The following PDE10A variants were observed in gnomAD, a reference collection of about 807,000 sequenced individuals.
The protein encoded by PDE10A is cAMP and cAMP-inhibited cGMP 3',5'-cyclic phosphodiesterase 10A.
Under a neutral mutation model 97.7 loss-of-function variants are expected in PDE10A, and 39 were observed. The observed-to-expected ratio is 0.40, with a 90% CI of 0.31 to 0.52. The LOEUF is 0.52. PDE10A is among the 20% of genes least tolerant of loss of function. The probability of loss-of-function intolerance (pLI) is 0.56; values close to 1 mark genes in which losing one functional copy is unlikely to be tolerated. For missense variants in PDE10A, 731 were observed against 1,047.8 expected (o/e 0.70, Z 4.17); for synonymous variants, 371 against 376.8 (o/e 0.98, Z 0.18).
chr6:165,914,409 G>C (rs1782549145), intron 1 of PDE10A, among the ~76,000 whole-genome samples: 1 of 152,228 alleles, frequency 6.6e-6, no homozygotes, highest in Non-Finnish European at 1.5e-5. Context: ...GGGTTCGCCT[G>C]TGATGACATC....
chr6:165,901,484 T>A (rs114021695), intron 1 of PDE10A, among the ~76,000 whole-genome samples: 5,178 of 152,246 alleles, frequency 0.034, 293 homozygotes, highest in African/African-American at 0.12. Context: ...CTGCCTCTCA[T>A]CTGGCTGCTC....
chr6:165,815,477 G>A (rs1036148039), intron 1 of PDE10A, among the ~76,000 whole-genome samples: 1 of 152,184 alleles, frequency 6.6e-6, no homozygotes, highest in African/African-American at 2.4e-5. Flanking sequence ...ATGGGGTAAC[G>A]AAGGGTGGAA....
Position 165,418,820 on chromosome 6 carries a change from C to A in PDE10A, c.1654-43G>T. The A allele has an allele frequency of 6.5e-7, 1 of 1,543,122 alleles. No homozygotes were observed. Among genetic ancestry groups the A allele is most frequent in the South Asian group, 1.1e-5 (1 of 88,268 alleles). The stretch of plus-strand genomic sequence containing the variant: ...AATAAGAGGAAGACAATGAGACATT[C>A]AAAGAACTTGCAGGTAAACTTTATC... On this transcript the variant is annotated intron_variant, in intron 10 of 21. Coordinates refer to ENST00000539869, the MANE Select transcript of PDE10A (RefSeq NM_001385079.1). This position sits in a 1 kb window ranked among gnomAD's most constrained non-coding sequence, Gnocchi z 4.8.
chr6:165,385,625 T>A (rs1163298284), intron 17 of PDE10A, among the ~76,000 whole-genome samples: 1 of 152,228 alleles, frequency 6.6e-6, no homozygotes, highest in Non-Finnish European at 1.5e-5. Flanking sequence ...ATGTTTGTTA[T>A]TAAATTGGAT....
At chr6:165,777,646 C>T (rs1309176140) in intron 1 of PDE10A, among the ~76,000 whole-genome samples, 1 of 152,244 alleles carries the variant, frequency 6.6e-6, no homozygotes, top group East Asian at 1.9e-4. Context: ...CAAAACCACT[C>T]TGAAGCCAAA....
rs116135022 is a variant in PDE10A, at chr6:165,757,617, C to T, written c.-614-214049G>A. The stretch of plus-strand genomic sequence containing the variant: ...CACTAATATGCATTTATTAACTAGT[C>T]CACTCAAATATACAAACTTCTTTTG... On this transcript the variant is annotated intron_variant, in intron 1 of 19. Transcript: ENST00000366882. Among the ~76,000 whole-genome samples the T allele has an allele frequency of 7.5e-3, 1,138 of 152,138 alleles. 21 individuals carry two copies. The highest frequency in any genetic ancestry group is 0.026 in the African/African-American group (1,070 of 41,522).
chr6:165,481,059 G>A (rs1294127460), intron 3 of PDE10A, among the ~76,000 whole-genome samples: 1 of 152,184 alleles, frequency 6.6e-6, no homozygotes, highest in Non-Finnish European at 1.5e-5. Context: ...TTATAAAACA[G>A]TATGTGGTAT....
At chr6:165,722,940 A>T (rs1030999182) in intron 1 of PDE10A, among the ~76,000 whole-genome samples, 1 of 152,122 alleles carries the variant, frequency 6.6e-6, no homozygotes, top group Non-Finnish European at 1.5e-5. Flanking sequence ...AGTTTTATAT[A>T]TATATATATC....
chr6:165,920,133 G>T (rs1296170444), intron 1 of PDE10A, among the ~76,000 whole-genome samples: 1 of 152,170 alleles, frequency 6.6e-6, no homozygotes, highest in African/African-American at 2.4e-5. Context: ...TATTTCTGTG[G>T]TTGCTTTTGC....
chr6:165,877,479 C>T (rs1028331676), intron 1 of PDE10A, among the ~76,000 whole-genome samples: 1 of 152,180 alleles, frequency 6.6e-6, no homozygotes, highest in Non-Finnish European at 1.5e-5. Flanking sequence ...TTCAGTTGTT[C>T]CCGAAATTCT....
At chr6:165,798,110 G>T (rs965843238) in intron 1 of PDE10A, among the ~76,000 whole-genome samples, 2 of 152,122 alleles carry the variant, frequency 1.3e-5, no homozygotes, top group Non-Finnish European at 2.9e-5. Context: ...TAATAAATCA[G>T]GATACTTGGT....
intron 9 of PDE10A, 140 bp from the exon 10 acceptor site, chr6:165,428,849 CA>C (rs370523218): frequency 0.19 from 74,677 of 385,610 alleles, 2,336 homozygotes; most frequent in Middle Eastern, 0.26. Flanking sequence ...TCTGCTTTGG[CA>C]AAAAAAAAAA....
chr6:165,951,645 A>G (rs1013020492), intron 1 of PDE10A, among the ~76,000 whole-genome samples: 2 of 152,062 alleles, frequency 1.3e-5, no homozygotes, highest in Non-Finnish European at 1.5e-5. Context: ...TCGGTCTCCT[A>G]ACACTGACTC....
intron 5 of PDE10A, among the ~76,000 whole-genome samples, chr6:165,445,269 G>C (rs1048581925): frequency 2.0e-5 from 3 of 152,148 alleles, no homozygotes; most frequent in African/African-American, 7.2e-5. Context: ...TTTAAAGGCT[G>C]CATAAAATAT....
chr6:165,521,113 A>G (rs754452535), intron 2 of PDE10A, among the ~76,000 whole-genome samples: 9 of 152,138 alleles, frequency 5.9e-5, no homozygotes, highest in Non-Finnish European at 1.2e-4. Flanking sequence ...TTTCATCATT[A>G]TATCTGTTAT....
intron 1 of PDE10A, among the ~76,000 whole-genome samples, chr6:165,841,423 C>T (rs1648023150): frequency 6.6e-6 from 1 of 152,204 alleles, no homozygotes; most frequent in African/African-American, 2.4e-5. Context: ...GTGGATGTTG[C>T]AGTTGGGGCC....
chr6:165,383,832 G>A (rs1163696616), intron 17 of PDE10A, among the ~76,000 whole-genome samples: 2 of 152,148 alleles, frequency 1.3e-5, no homozygotes, highest in Non-Finnish European at 2.9e-5. Flanking sequence ...GTAAAAGGGG[G>A]CAGTGCTGTA....
At chr6:165,937,141 C>A (rs571379788) in intron 1 of PDE10A, among the ~76,000 whole-genome samples, 1 of 152,116 alleles carries the variant, frequency 6.6e-6, no homozygotes, top group East Asian at 1.9e-4. Context: ...TCTTAGACAC[C>A]CCTTGAGGGC....
chr6:165,968,292 T>A (rs768974068), intron 1 of PDE10A, among the ~76,000 whole-genome samples: 2 of 152,174 alleles, frequency 1.3e-5, no homozygotes, highest in Non-Finnish European at 2.9e-5. Flanking sequence ...CCATCGCAGG[T>A]CATTGTATTT....
Sources: allele counts gnomAD v4.1 joint callset (sites outside exome capture counted in the v4.1 genomes callset), GRCh38; gene constraint gnomAD v4.1.1; non-coding constraint Gnocchi (gnomAD v3.1); transcripts MANE v1.5; gene names NCBI Gene and HGNC (gene_info 2026-07-23, HGNC 2026-07-21).